ST18: variants seen among roughly 807,000 people sequenced by gnomAD.
The protein encoded by ST18 is ST18 C2H2C-type zinc finger transcription factor.
A neutral mutation model predicts 110.0 loss-of-function variants in ST18; 50 were observed. That is an observed-to-expected ratio of 0.45 (90% confidence interval 0.36 to 0.58). The LOEUF (loss-of-function observed/expected upper bound fraction) is 0.58. Among genes scored for constraint, ST18 ranks in the 20% least tolerant of loss-of-function variants. The pLI is 0.00. For missense variants in ST18, 1,306 were observed against 1,280.1 expected (o/e 1.02, Z -0.31); for synonymous variants, 461 against 452.4 (o/e 1.02, Z -0.24).
intron 22 of ST18, among the ~76,000 whole-genome samples, chr8:52,131,276 C>T (rs1375333514): frequency 6.6e-6 from 1 of 152,168 alleles, no homozygotes; most frequent in Admixed American, 6.5e-5. Flanking sequence ...ACAGGACCCC[C>T]TGTAGGGAGA....
At chr8:52,318,260 A>C (rs2096064406) in intron 2 of ST18, among the ~76,000 whole-genome samples, 2 of 152,222 alleles carry the variant, frequency 1.3e-5, no homozygotes, top group Admixed American at 6.5e-5. Flanking sequence ...GACACTTCTC[A>C]AACGAAGACA....
Position 52,212,122 on chromosome 8 carries a change from G to C in ST18, c.56-13C>G, listed in dbSNP as rs906291304. ...GAATCCATTGGCACTGTTGACAAAA[G>C]AAGAAAAAAAAGAAGACTTAATCAG... On this transcript the variant is annotated splice_polypyrimidine_tract_variant and intron_variant, in intron 7 of 25. Coordinates refer to ENST00000689386, the MANE Select transcript of ST18 (RefSeq NM_001352837.2). The C allele has an allele frequency of 2.5e-6, 4 of 1,591,878 alleles. No homozygotes were observed. The highest frequency in any genetic ancestry group is 3.4e-6 in the Non-Finnish European group (4 of 1,174,640).
chr8:52,285,620 C>T (rs2095457909), intron 2 of ST18, among the ~76,000 whole-genome samples: 1 of 152,188 alleles, frequency 6.6e-6, no homozygotes, highest in South Asian at 2.1e-4. Flanking sequence ...ATCTGAGAGC[C>T]TGGGGATCAA....
chr8:52,192,622 A>C (rs552415827), intron 8 of ST18, among the ~76,000 whole-genome samples: 2 of 152,312 alleles, frequency 1.3e-5, no homozygotes, highest in Admixed American at 1.3e-4. Context: ...CATGCCAAAT[A>C]AAAAATCATT....
chr8:52,136,760 T>C (rs1202497780), intron 18 of ST18, 102 bp from the exon 19 acceptor site: 3 of 995,228 alleles, frequency 3.0e-6, no homozygotes, highest in Non-Finnish European at 4.4e-6. Context: ...TATTGGTGAC[T>C]GGGGATTGGG....
intron 2 of ST18, among the ~76,000 whole-genome samples, chr8:52,344,558 G>A (rs1564538920): frequency 6.6e-6 from 1 of 151,828 alleles, no homozygotes. Flanking sequence ...CCACCACCTC[G>A]CTCCACTAAT....
intron 23 of ST18, among the ~76,000 whole-genome samples, chr8:52,119,148 T>G (rs2043683340): frequency 1.3e-5 from 2 of 152,176 alleles, no homozygotes; most frequent in Non-Finnish European, 2.9e-5. Flanking sequence ...TTCTTTGTGC[T>G]TCAGTATCCT....
intron 2 of ST18, among the ~76,000 whole-genome samples, chr8:52,367,545 T>C (rs972941911): frequency 6.6e-6 from 1 of 152,220 alleles, no homozygotes; most frequent in Admixed American, 6.5e-5. Context: ...TGTTGCAATT[T>C]TCTTTCTGGA....
intron 8 of ST18, among the ~76,000 whole-genome samples, chr8:52,191,821 G>A (rs1264631017): frequency 3.9e-5 from 6 of 152,176 alleles, no homozygotes; most frequent in Admixed American, 6.5e-5. Flanking sequence ...AAAGCGAAGA[G>A]CTTAGCTAGT....
intron 13 of ST18, among the ~76,000 whole-genome samples, chr8:52,163,253 G>A (rs532747277): frequency 2.4e-4 from 37 of 152,302 alleles, no homozygotes; most frequent in African/African-American, 8.4e-4. Flanking sequence ...ATTAAGGGAA[G>A]CCGTATCTTG....
intron 16 of ST18, among the ~76,000 whole-genome samples, chr8:52,147,205 A>G (rs1265720470): frequency 6.6e-6 from 1 of 152,254 alleles, no homozygotes; most frequent in East Asian, 1.9e-4. Flanking sequence ...TTGCTGGGAA[A>G]TGAAACACTG....
chr8:52,376,984 C>G (rs542996279), intron 2 of ST18, among the ~76,000 whole-genome samples: 1 of 152,244 alleles, frequency 6.6e-6, no homozygotes, highest in African/African-American at 2.4e-5. Context: ...TATATCTTAA[C>G]TAATGGTCTC....
chr8:52,313,964 G>A lies in ST18; in HGVS notation c.-464-83887C>T, dbSNP rs148355496. Among the ~76,000 whole-genome samples, 64 of 152,266 alleles carry A rather than the reference G, an allele frequency of 4.2e-4. 1 individual carries two copies. In the East Asian group the frequency reaches 0.012, roughly 28 times the overall value. On this transcript the variant is annotated intron_variant, in intron 2 of 25. Transcript: ENST00000689386. The stretch of plus-strand genomic sequence containing the variant: ...GGCCACAATGAAAGAGCTTCCATTT[G>A]GCCACGGGAGTGCGGTCAGCTGATG...
At chr8:52,326,361 G>T (rs1400777116) in intron 2 of ST18, among the ~76,000 whole-genome samples, 1 of 152,116 alleles carries the variant, frequency 6.6e-6, no homozygotes, top group Non-Finnish European at 1.5e-5. Flanking sequence ...AGACTTTTCT[G>T]GCAACTTTAG....
chr8:52,203,872 A>C (rs2078961573), intron 8 of ST18, among the ~76,000 whole-genome samples: 1 of 152,212 alleles, frequency 6.6e-6, no homozygotes, highest in African/African-American at 2.4e-5. Context: ...CAAATTACCA[A>C]AGCTGCAAGG....
intron 2 of ST18, among the ~76,000 whole-genome samples, chr8:52,275,569 T>C (rs951611749): frequency 6.6e-6 from 1 of 152,206 alleles, no homozygotes; most frequent in African/African-American, 2.4e-5. Context: ...GGTAAATTAT[T>C]ATCCTCTAAC....
At chr8:52,178,996 T>C (rs553227576) in intron 9 of ST18, among the ~76,000 whole-genome samples, 1 of 152,328 alleles carries the variant, frequency 6.6e-6, no homozygotes, top group South Asian at 2.1e-4. Flanking sequence ...CTACATGCCA[T>C]AAAAATTTAT....
At chr8:52,202,803 G>T (rs2078471684) in intron 8 of ST18, among the ~76,000 whole-genome samples, 1 of 152,186 alleles carries the variant, frequency 6.6e-6, no homozygotes, top group Non-Finnish European at 1.5e-5. Flanking sequence ...TTAGGTGTAG[G>T]ATTTTCTCAG....
intron 8 of ST18, among the ~76,000 whole-genome samples, chr8:52,190,564 T>G (rs1030198246): frequency 2.6e-5 from 4 of 152,198 alleles, no homozygotes; most frequent in African/African-American, 9.7e-5. Context: ...CTCAAATGCA[T>G]GTTTTGCAGT....
Sources: gnomAD v4.1 joint callset for allele counts (sites outside exome capture counted in the v4.1 genomes callset) on GRCh38, gnomAD v4.1.1 for gene constraint, MANE v1.5 for transcripts, NCBI Gene and HGNC (gene_info 2026-07-23, HGNC 2026-07-21) for gene names.